NDUFAF7: variants seen among roughly 807,000 people sequenced by gnomAD.
NDUFAF7 encodes the protein NADH:ubiquinone oxidoreductase complex assembly factor 7, also known as protein arginine methyltransferase NDUFAF7, mitochondrial.
Under a neutral mutation model 47.2 loss-of-function variants are expected in NDUFAF7, and 48 were observed. The ratio of observed to expected loss-of-function variants is 1.02; its 90% CI spans 0.81 to 1.29. The LOEUF is 1.29. NDUFAF7 is among the 50% of genes most tolerant of loss of function. The pLI is 0.00. For synonymous variants in NDUFAF7, 217 were observed against 190.0 expected, an observed-to-expected ratio of 1.14 and a Z score of -1.17; for missense variants, 635 against 537.6, an observed-to-expected ratio of 1.18 and a Z score of -1.79.
intron 2 of NDUFAF7, 40 bp downstream of exon 2, chr2:37,232,306 C>A (rs369554068): frequency 6.8e-6 from 11 of 1,610,772 alleles, no homozygotes; most frequent in Middle Eastern, 2.2e-4. Flanking sequence ...CCTCTCTAGC[C>A]GATTTGCGAG....
chr2:37,231,669 A>C lies in NDUFAF7; in HGVS notation c.-37A>C, dbSNP rs772776446. 1.3e-6 allele frequency: 2 copies of C among 1,520,838 alleles called. No homozygotes were observed. The highest frequency in any genetic ancestry group is 1.8e-6 in the Non-Finnish European group (2 of 1,105,912). 94.2% of individuals were successfully genotyped at this position (1,520,838 alleles called of 1,614,324 possible). ...TTCTCCCGGAAATGGTCTAAGCCCC[A>C]GCTCCTGGCGGAGCGAGCTAGCCTG... On this transcript the variant is annotated 5_prime_UTR_variant, in exon 1 of 10. Transcript: ENST00000002125.
downstream of NDUFAF7, among the ~76,000 whole-genome samples, chr2:37,249,450 G>A (rs1667272322): frequency 6.6e-6 from 1 of 151,940 alleles, no homozygotes; most frequent in African/African-American, 2.4e-5. Context: ...GGTGGTGGGC[G>A]CCTGTAATCC....
At chr2:37,235,997 A>T in intron 2 of NDUFAF7, 99 bp from the exon 3 acceptor site, 1 of 1,064,846 alleles carries the variant, frequency 9.4e-7, no homozygotes, top group South Asian at 1.3e-5. Context: ...CTTACTAAAT[A>T]ATTATTTCAC....
chr2:37,256,998 T>C (rs140074259), downstream of NDUFAF7: 15 of 1,492,704 alleles, frequency 1.0e-5, no homozygotes, highest in African/African-American at 1.5e-4. Flanking sequence ...TCCCTAAATA[T>C]AACACTGTAT....
At chr2:37,240,467 G>A (rs1412112187) in intron 4 of NDUFAF7, among the ~76,000 whole-genome samples, 1 of 151,312 alleles carries the variant, frequency 6.6e-6, no homozygotes, top group Non-Finnish European at 1.5e-5. Flanking sequence ...ATGCTTTATG[G>A]TTTTTGCTTT....
chr2:37,265,140 G>A, the NDUFAF7 span, among the ~76,000 whole-genome samples: 1 of 146,130 alleles, frequency 6.8e-6, no homozygotes, highest in African/African-American at 2.8e-5. Context: ...CAGCCTTTCA[G>A]GTTTGGGTGA....
Position 37,232,339 on chromosome 2 carries a change from C to T in NDUFAF7, c.216+73C>T, listed in dbSNP as rs1665250347. Reference sequence around the variant, plus strand: ...GAGGTGCAAGCCAGGAGGGAGAAGCCCGAAGGTTCTCAGCCCAGGCAGTGG... The same window carrying T: ...GAGGTGCAAGCCAGGAGGGAGAAGCTCGAAGGTTCTCAGCCCAGGCAGTGG... On this transcript the variant is annotated intron_variant, in intron 2 of 9. Transcript: ENST00000002125. 1.3e-6 allele frequency: 2 copies of T among 1,585,392 alleles called. 1 individual carries two copies.
At chr2:37,243,047 G>A (rs1460363255) in intron 6 of NDUFAF7, among the ~76,000 whole-genome samples, 1 of 152,020 alleles carries the variant, frequency 6.6e-6, no homozygotes, top group African/African-American at 2.4e-5. Flanking sequence ...GGCTGGTCTT[G>A]AACTCCAGGG....
At chr2:37,262,862 T>C in the NDUFAF7 span, among the ~76,000 whole-genome samples, 1 of 152,102 alleles carries the variant, frequency 6.6e-6, no homozygotes, top group Non-Finnish European at 1.5e-5. Flanking sequence ...CAAATTTATC[T>C]GATAGAGATG....
the NDUFAF7 span, among the ~76,000 whole-genome samples, chr2:37,265,494 CACACACACACACAA>C: frequency 5.9e-5 from 9 of 151,970 alleles, no homozygotes; most frequent in African/African-American, 2.2e-4. Context: ...ATACTACACA[CACACACACACACAA>C]ACACACACAC....
At chr2:37,231,856 C>A in intron 1 of NDUFAF7, 96 bp downstream of exon 1, 3 of 1,588,372 alleles carry the variant, frequency 1.9e-6, no homozygotes, top group South Asian at 1.1e-5. Context: ...ATCAAGGGCT[C>A]GGGGGCTCAC....
chr2:37,245,485 G>A (rs1285559034), intron 7 of NDUFAF7, among the ~76,000 whole-genome samples: 9 of 152,260 alleles, frequency 5.9e-5, no homozygotes, highest in African/African-American at 1.7e-4. Context: ...GGGTAATAAC[G>A]GTTTCAATAC....
downstream of NDUFAF7, among the ~76,000 whole-genome samples, chr2:37,250,039 A>AT (rs899947041): frequency 1.7e-4 from 25 of 149,258 alleles, no homozygotes; most frequent in East Asian, 4.0e-4. Context: ...TTTTTTTGCA[A>AT]TTTTTTTTTC....
intron 2 of NDUFAF7, among the ~76,000 whole-genome samples, chr2:37,234,280 TCG>T (rs1665513937): frequency 6.6e-6 from 1 of 152,088 alleles, no homozygotes; most frequent in Non-Finnish European, 1.5e-5. Flanking sequence ...TCAATGGAGA[TCG>T]GGTTTTGCCT....
the NDUFAF7 span, among the ~76,000 whole-genome samples, chr2:37,261,191 T>C: frequency 6.6e-6 from 1 of 152,210 alleles, no homozygotes; most frequent in Admixed American, 6.5e-5. Context: ...TTATTCCTTA[T>C]TAATAAAGAT....
downstream of NDUFAF7, chr2:37,254,257 T>G: frequency 6.2e-7 from 1 of 1,613,494 alleles, no homozygotes; most frequent in African/African-American, 1.3e-5. Flanking sequence ...TTTCTCATCT[T>G]CACTTGAAGC....
the NDUFAF7 span, among the ~76,000 whole-genome samples, chr2:37,261,501 C>A: frequency 3.6e-4 from 55 of 151,946 alleles, no homozygotes; most frequent in Non-Finnish European, 1.3e-4. Flanking sequence ...AAAAAAAAGG[C>A]CGGGCGCGGT....
chr2:37,262,895 T>TCCCC, the NDUFAF7 span, among the ~76,000 whole-genome samples: 3 of 144,378 alleles, frequency 2.1e-5, no homozygotes, highest in Non-Finnish European at 4.5e-5. Context: ...TAAGATTCCT[T>TCCCC]CCCCCCCCCG....
the NDUFAF7 span, among the ~76,000 whole-genome samples, chr2:37,261,817 A>G: frequency 5.1e-4 from 77 of 152,212 alleles, no homozygotes; most frequent in South Asian, 0.015. Context: ...CAACTTAACA[A>G]TGGTTCAACT....
Sources: allele counts gnomAD v4.1 joint callset (sites outside exome capture counted in the v4.1 genomes callset), GRCh38; gene constraint gnomAD v4.1.1; transcripts MANE v1.5; gene names NCBI Gene and HGNC (gene_info 2026-07-23, HGNC 2026-07-21).